The following IGF1R variants were observed in gnomAD, a reference collection of about 807,000 sequenced individuals.
The protein encoded by IGF1R is insulin like growth factor 1 receptor, also known as insulin-like growth factor 1 receptor.
In IGF1R, 44 loss-of-function variants were observed where a neutral mutation model predicts 144.6. The observed-to-expected ratio is 0.30, with a 90% CI of 0.24 to 0.39. The LOEUF (loss-of-function observed/expected upper bound fraction) is 0.39, where lower values mean the gene tolerates loss of function less well. IGF1R is among the 10% of genes least tolerant of loss of function. The probability of loss-of-function intolerance (pLI) is 1.00; values close to 1 mark genes in which losing one functional copy is unlikely to be tolerated. For synonymous variants in IGF1R, 795 were observed against 722.8 expected (o/e 1.10, Z -1.60); for missense variants, 1,355 against 1,833.7 (o/e 0.74, Z 4.77).
intron 2 of IGF1R, among the ~76,000 whole-genome samples, chr15:98,792,001 A>C (rs1490023786): frequency 1.3e-5 from 2 of 152,230 alleles, no homozygotes; most frequent in African/African-American, 4.8e-5. Context: ...ATGGTGGCTC[A>C]GGTTTAGACA....
intron 2 of IGF1R, among the ~76,000 whole-genome samples, chr15:98,784,826 A>G (rs181040368): frequency 1.9e-4 from 29 of 152,336 alleles, no homozygotes; most frequent in Admixed American, 1.4e-3. Flanking sequence ...CTGAAAGTCT[A>G]TGAGACGATG....
At chr15:98,657,708 T>C (rs1008441847) in intron 1 of IGF1R, among the ~76,000 whole-genome samples, 1 of 152,244 alleles carries the variant, frequency 6.6e-6, no homozygotes, top group African/African-American at 2.4e-5. Flanking sequence ...TATGGTAGCC[T>C]TTCTTCGTCA....
chr15:98,685,625 A>G (rs1165216051), intron 1 of IGF1R, among the ~76,000 whole-genome samples: 1 of 152,186 alleles, frequency 6.6e-6, no homozygotes, highest in Non-Finnish European at 1.5e-5. Flanking sequence ...TTGTCTGTCC[A>G]GGGTCCCTCC....
At position 98,649,635 on chromosome 15, in the gene IGF1R, T is replaced by G. The variant is rs1305148947; in HGVS notation, c.54T>G (p.Phe18Leu). 2.5e-6 allele frequency: 4 copies of G among 1,610,580 alleles called. No homozygotes were observed. The highest frequency in any genetic ancestry group is 3.4e-6 in the Non-Finnish European group (4 of 1,178,940). The stretch of plus-strand genomic sequence containing the variant: ...CGACCTCGCTGTGGGGGCTCCTGTT[T>G]CTCTCCGCCGCGCTCTCGCTCTGGC... ...GSPTSLWGLL[F>L]LSAALSLWPT... The change falls in exon 1 of 21, where the codon TTT becomes TTG. Residue 18 changes from phenylalanine (F) to leucine (L), a missense_variant. Physicochemically the swap from Phe to Leu is conservative, Grantham distance 22 (BLOSUM62 0). This residue lies in a region of IGF1R where 49 missense variants were observed against 34.7 expected (regional missense o/e 1.41). Transcript: ENST00000650285.
intron 20 of IGF1R, among the ~76,000 whole-genome samples, chr15:98,950,589 C>T (rs553296205): frequency 6.6e-6 from 1 of 152,260 alleles, no homozygotes; most frequent in South Asian, 2.1e-4. Flanking sequence ...CTCCATAGGC[C>T]CTCTCATAAC....
intron 10 of IGF1R, among the ~76,000 whole-genome samples, chr15:98,917,145 G>T (rs757204344): frequency 6.6e-6 from 1 of 152,212 alleles, no homozygotes; most frequent in Non-Finnish European, 1.5e-5. Flanking sequence ...CCCACAGAGA[G>T]CAGGTGGGCA....
chr15:98,960,620 CGCTGAGGCAGGACCGT>C lies in IGF1R; in HGVS notation c.*3181_*3196del, dbSNP rs1482885718. 1.7e-5 allele frequency: 4 copies of C among 233,406 alleles called. No individual in the cohort carries two copies. The highest frequency in any genetic ancestry group is 8.8e-5 in the African/African-American group (4 of 45,336). 14.5% of individuals were successfully genotyped at this position (233,406 alleles called of 1,614,324 possible). ...CTGCTCCATCCCTGCAGGAGGCTCG[CGCTGAGGCAGGACCGT>C]GCGGCCATGGCTGCTGCATTCATTG... is the stretch of plus-strand genomic sequence containing the variant. On this transcript the variant is annotated 3_prime_UTR_variant, in exon 21 of 21. Transcript: ENST00000650285.
At chr15:98,817,288 C>T (rs924806367) in intron 2 of IGF1R, among the ~76,000 whole-genome samples, 21 of 145,286 alleles carry the variant, frequency 1.4e-4, no homozygotes, top group Non-Finnish European at 2.4e-4. Flanking sequence ...GGCAGCAGAG[C>T]GAGAATCTGT....
intron 2 of IGF1R, among the ~76,000 whole-genome samples, chr15:98,742,429 G>C (rs1482590079): frequency 5.3e-5 from 8 of 152,168 alleles, no homozygotes; most frequent in Non-Finnish European, 1.0e-4. Context: ...TGTGGTGGGG[G>C]GCAAGGTGGA....
chr15:98,716,651 G>T (rs2054124761), intron 2 of IGF1R, among the ~76,000 whole-genome samples: 2 of 152,176 alleles, frequency 1.3e-5, no homozygotes, highest in African/African-American at 2.4e-5. Flanking sequence ...GTAAACGTTT[G>T]AACTGCATTG....
chr15:98,669,089 T>G (rs1236631093), intron 1 of IGF1R, among the ~76,000 whole-genome samples: 2 of 152,228 alleles, frequency 1.3e-5, no homozygotes, highest in South Asian at 4.1e-4. Flanking sequence ...CTCCTATGAC[T>G]GTAAAATCAG....
intron 2 of IGF1R, among the ~76,000 whole-genome samples, chr15:98,817,587 A>G (rs1384548452): frequency 6.6e-6 from 1 of 152,128 alleles, no homozygotes; most frequent in Non-Finnish European, 1.5e-5. Context: ...AGAAAGGATA[A>G]GAAGAAAAAG....
At chr15:98,875,342 TTCTTTTC>T (rs2013004824) in intron 2 of IGF1R, among the ~76,000 whole-genome samples, 1 of 137,490 alleles carries the variant, frequency 7.3e-6, no homozygotes, top group South Asian at 2.5e-4. Context: ...TTCTTTTCTT[TTCTTTTC>T]TTTTTTTTTT....
At chr15:98,724,135 C>T (rs1408886860) in intron 2 of IGF1R, among the ~76,000 whole-genome samples, 1 of 152,194 alleles carries the variant, frequency 6.6e-6, no homozygotes, top group Non-Finnish European at 1.5e-5. Flanking sequence ...GACTTTTGAA[C>T]TCACAGACTA....
At chr15:98,925,438 C>T (rs1329732552) in intron 13 of IGF1R, among the ~76,000 whole-genome samples, 3 of 152,118 alleles carry the variant, frequency 2.0e-5, no homozygotes, top group African/African-American at 7.2e-5. Context: ...TCTGTTATTT[C>T]TTATTTCAAA....
chr15:98,686,347 G>T (rs183055636), intron 1 of IGF1R, among the ~76,000 whole-genome samples: 26 of 152,254 alleles, frequency 1.7e-4, no homozygotes, highest in Admixed American at 1.6e-3. Context: ...TTGCTCCCCC[G>T]CTTTGGCTAC....
At chr15:98,913,004 T>A in intron 7 of IGF1R, 40 bp from the exon 8 acceptor site, 1 of 1,450,076 alleles carries the variant, frequency 6.9e-7, no homozygotes, top group Non-Finnish European at 9.7e-7. Flanking sequence ...GGTTTTGATG[T>A]CAGAGCCCCG....
rs45470003 is a variant in IGF1R at position 98,922,559 on chromosome 15, C to G, written c.2485+128C>G. On this transcript the variant is annotated intron_variant, in intron 11 of 20. Coordinates refer to ENST00000650285, the MANE Select transcript of IGF1R (RefSeq NM_000875.5). ...AGACCCAGGCCTGCCTGCTAAATAA[C>G]GTGCAGTCATTGGCAGGTGGCGTGT... 48 of 1,129,108 alleles carry G rather than the reference C, an allele frequency of 4.3e-5. No homozygotes were observed. The Admixed American group carries it at 5.9e-4, about 14-fold the overall frequency. 69.9% of individuals were successfully genotyped at this position (1,129,108 alleles called of 1,614,324 possible).
At position 98,927,117 on chromosome 15, in the gene IGF1R, G is replaced by A. The variant is rs115986131; in HGVS notation, c.2782+2433G>A. ...GCTTTGCTGCTCCATTTTTAACCTT[G>A]TAAGTGCCAGGATGCCAGTGGGAAA... On this transcript the variant is annotated intron_variant, in intron 13 of 20. Coordinates refer to ENST00000650285, the MANE Select transcript of IGF1R (RefSeq NM_000875.5). 9.2e-3 allele frequency among the ~76,000 whole-genome samples: 1,402 copies of A among 152,248 alleles called. 31 individuals carry two copies. Among genetic ancestry groups the A allele is most frequent in the African/African-American group, 0.032 (1,330 of 41,536 alleles).
Sources: gnomAD v4.1 joint callset for allele counts (sites outside exome capture counted in the v4.1 genomes callset) on GRCh38, gnomAD v4.1.1 for gene constraint, gnomAD v4.1.1 regional missense constraint, MANE v1.5 for transcripts, NCBI Gene and HGNC (gene_info 2026-07-23, HGNC 2026-07-21) for gene names.